The following IQCM variants were observed in gnomAD, a reference collection of about 807,000 sequenced individuals.
IQCM encodes IQ motif containing M, also known as IQ domain-containing protein M.
Under a neutral mutation model 57.6 loss-of-function variants are expected in IQCM, and 45 were observed. The ratio of observed to expected loss-of-function variants is 0.78; its 90% confidence interval spans 0.62 to 1.00. The LOEUF is 1.00. Ranked by LOEUF, IQCM falls within the 50% of genes least tolerant of loss-of-function variation. The pLI, the probability that IQCM is intolerant of heterozygous loss-of-function variation, is 0.00. For synonymous variants in IQCM, 148 were observed against 158.9 expected (o/e 0.93, Z 0.51); for missense variants, 468 against 511.6 (o/e 0.91, Z 0.82).
intron 5 of IQCM, among the ~76,000 whole-genome samples, chr4:149,694,301 T>TGCAA (rs1394518645): frequency 7.0e-6 from 1 of 141,982 alleles, no homozygotes; most frequent in African/African-American, 2.6e-5. Flanking sequence ...CTCGGCTCAC[T>TGCAA]GCAAGCTCCG....
chr4:149,587,448 C>A (rs1024864464), intron 9 of IQCM, among the ~76,000 whole-genome samples: 1 of 151,726 alleles, frequency 6.6e-6, no homozygotes, highest in African/African-American at 2.4e-5. Flanking sequence ...ATCTCTCTCA[C>A]AAAATCAATG....
chr4:149,546,058 A>C (rs1392920745), intron 12 of IQCM, among the ~76,000 whole-genome samples: 1 of 152,154 alleles, frequency 6.6e-6, no homozygotes, highest in Non-Finnish European at 1.5e-5. Flanking sequence ...TATGAGTGAG[A>C]ACATGCGGTG....
At position 149,368,762 on chromosome 4, in the gene IQCM, ATATATATACATATATATACATG is replaced by A. The variant is rs1417196284; in HGVS notation, c.1391-16718_1391-16697del. On this transcript the variant is annotated intron_variant, in intron 13 of 13. Coordinates refer to ENST00000636793, the MANE Select transcript of IQCM (RefSeq NM_001363507.2). ...ACAAATTATATATATACATGTATAT[ATATATATACATATATATACATG>A]TATATATATACATATATATACATGT... Among the ~76,000 whole-genome samples the A allele has an allele frequency of 3.6e-4, 43 of 119,580 alleles. 1 individual carries two copies. Among genetic ancestry groups the A allele is most frequent in the African/African-American group, 1.1e-3 (39 of 34,842 alleles). The allele number at this position is 119,580 out of a possible 152,430, so 78.4% of individuals were successfully genotyped here.
chr4:149,461,698 G>GA (rs910012943), intron 12 of IQCM, among the ~76,000 whole-genome samples: 5 of 149,444 alleles, frequency 3.3e-5, no homozygotes, highest in Non-Finnish European at 5.9e-5. Flanking sequence ...AAAAGAACAT[G>GA]AAAAAAAATC....
At chr4:149,673,536 A>G (rs1761493168) in intron 7 of IQCM, among the ~76,000 whole-genome samples, 1 of 152,204 alleles carries the variant, frequency 6.6e-6, no homozygotes, top group Non-Finnish European at 1.5e-5. Context: ...AGGCCATTAC[A>G]TAATGGTAAA....
chr4:149,368,827 T>C (rs536356611), intron 13 of IQCM, among the ~76,000 whole-genome samples: 8 of 92,598 alleles, frequency 8.6e-5, no homozygotes, highest in African/African-American at 2.2e-4. Context: ...TACATATATA[T>C]ACATGTATAT....
intron 12 of IQCM, among the ~76,000 whole-genome samples, chr4:149,435,652 G>C (rs1280735056): frequency 6.6e-6 from 1 of 151,748 alleles, no homozygotes; most frequent in Non-Finnish European, 1.5e-5. Context: ...TATCATAGGA[G>C]ATGGCAGCTT....
At chr4:149,412,397 C>T (rs1022093259) in intron 13 of IQCM, among the ~76,000 whole-genome samples, 3 of 152,078 alleles carry the variant, frequency 2.0e-5, no homozygotes, top group African/African-American at 7.2e-5. Flanking sequence ...CCAAAGGGTC[C>T]TAATTCTTAT....
intron 7 of IQCM, among the ~76,000 whole-genome samples, chr4:149,666,417 G>C (rs1760729315): frequency 6.6e-6 from 1 of 152,082 alleles, no homozygotes; most frequent in African/African-American, 2.4e-5. Context: ...CTTTTCCCAT[G>C]GTCTTTGCAA....
intron 13 of IQCM, among the ~76,000 whole-genome samples, chr4:149,394,185 T>G (rs894101382): frequency 9.2e-5 from 14 of 152,172 alleles, no homozygotes; most frequent in Middle Eastern, 3.4e-3. Context: ...GTTATCTTAC[T>G]GCATTTATTT....
intron 7 of IQCM, among the ~76,000 whole-genome samples, chr4:149,646,658 A>G (rs1758660971): frequency 6.6e-6 from 1 of 152,142 alleles, no homozygotes; most frequent in African/African-American, 2.4e-5. Flanking sequence ...TTGACTTTCA[A>G]CTGGTATATT....
intron 13 of IQCM, among the ~76,000 whole-genome samples, chr4:149,358,817 G>C (rs1277351097): frequency 2.5e-5 from 2 of 81,512 alleles, no homozygotes; most frequent in Non-Finnish European, 2.9e-5. Flanking sequence ...ACCCAAAAGA[G>C]GGAGTGTATC....
chr4:149,736,721 C>T (rs2149896415), intron 3 of IQCM, among the ~76,000 whole-genome samples: 1 of 152,254 alleles, frequency 6.6e-6, no homozygotes, highest in African/African-American at 2.4e-5. Flanking sequence ...GCTACTGGAA[C>T]CCTCAAGTAT....
At chr4:149,776,407 C>A (rs1207958909) in intron 2 of IQCM, among the ~76,000 whole-genome samples, 3 of 152,114 alleles carry the variant, frequency 2.0e-5, no homozygotes, top group Non-Finnish European at 2.9e-5. Flanking sequence ...ATATTAGGTT[C>A]AATGCTTGAA....
chr4:149,772,005 T>C (rs1770631309), intron 2 of IQCM, among the ~76,000 whole-genome samples: 1 of 152,160 alleles, frequency 6.6e-6, no homozygotes, highest in African/African-American at 2.4e-5. Context: ...GCATTTGTTC[T>C]GGTAAAAATG....
intron 12 of IQCM, among the ~76,000 whole-genome samples, chr4:149,467,489 T>G (rs1416031747): frequency 6.6e-6 from 1 of 152,176 alleles, no homozygotes; most frequent in Non-Finnish European, 1.5e-5. Context: ...AATAACATGA[T>G]AAATAAGTAA....
intron 12 of IQCM, among the ~76,000 whole-genome samples, chr4:149,505,235 C>A (rs749184106): frequency 1.2e-4 from 18 of 151,896 alleles, no homozygotes; most frequent in Non-Finnish European, 2.2e-4. Context: ...AACATACGTA[C>A]GAAAGAAAAC....
intron 5 of IQCM, among the ~76,000 whole-genome samples, chr4:149,716,836 G>A (rs1031552281): frequency 1.3e-5 from 2 of 152,144 alleles, no homozygotes; most frequent in African/African-American, 4.8e-5. Context: ...AATCCTTTAG[G>A]TTCTTTGGAA....
At chr4:149,449,363 A>C (rs1736847882) in intron 12 of IQCM, among the ~76,000 whole-genome samples, 1 of 146,284 alleles carries the variant, frequency 6.8e-6, no homozygotes, top group Admixed American at 6.9e-5. Context: ...TATATTATAT[A>C]CATTATATTA....
Sources: allele counts gnomAD v4.1 joint callset (sites outside exome capture counted in the v4.1 genomes callset), GRCh38; gene constraint gnomAD v4.1.1; transcripts MANE v1.5; gene names NCBI Gene and HGNC (gene_info 2026-07-23, HGNC 2026-07-21).